The following ADAMTS17 variants were observed in gnomAD, a reference collection of about 807,000 sequenced individuals.
ADAMTS17 encodes the protein ADAM metallopeptidase with thrombospondin type 1 motif 17.
A neutral mutation model predicts 141.5 loss-of-function variants in ADAMTS17; 113 were observed. The observed-to-expected ratio is 0.80, with a 90% CI of 0.69 to 0.93. The LOEUF is 0.93. ADAMTS17 is among the 40% of genes least tolerant of loss of function. ADAMTS17 has a pLI of 0.00. For synonymous variants in ADAMTS17, 768 were observed against 630.6 expected, an observed-to-expected ratio of 1.22 and a Z score of -3.27; for missense variants, 1,659 against 1,517.9, an observed-to-expected ratio of 1.09 and a Z score of -1.54.
intron 20 of ADAMTS17, among the ~76,000 whole-genome samples, chr15:99,992,768 G>C (rs150942512): frequency 1.1e-3 from 162 of 152,346 alleles, no homozygotes; most frequent in African/African-American, 3.8e-3. Flanking sequence ...GGGCACCCGC[G>C]TCCTGCCTTG....
chr15:100,202,135 C>T (rs576575283), intron 7 of ADAMTS17, among the ~76,000 whole-genome samples: 1 of 152,282 alleles, frequency 6.6e-6, no homozygotes, highest in East Asian at 1.9e-4. Context: ...GATGCAGAAC[C>T]GGCAGACCTC....
chr15:100,108,962 C>T (rs199671614), intron 14 of ADAMTS17, 27 bp downstream of exon 14: 109 of 1,612,832 alleles, frequency 6.8e-5, no homozygotes, highest in Non-Finnish European at 8.5e-5. Context: ...CAAAGCCCCA[C>T]CAAGGACCGA....
intron 6 of ADAMTS17, among the ~76,000 whole-genome samples, chr15:100,257,517 G>C (rs1189523706): frequency 2.0e-5 from 3 of 152,246 alleles, no homozygotes; most frequent in Admixed American, 6.5e-5. Flanking sequence ...CCAAAATGCA[G>C]AAGAAAGCTC....
chr15:100,016,314 G>A (rs2061287706), intron 18 of ADAMTS17, among the ~76,000 whole-genome samples: 1 of 151,988 alleles, frequency 6.6e-6, no homozygotes, highest in Non-Finnish European at 1.5e-5. Flanking sequence ...CCTTTCCCTG[G>A]TGCCTCCTTT....
At chr15:100,069,148 G>A (rs2033782805) in intron 15 of ADAMTS17, among the ~76,000 whole-genome samples, 2 of 152,104 alleles carry the variant, frequency 1.3e-5, no homozygotes, top group Non-Finnish European at 2.9e-5. Context: ...TATCAGCAAT[G>A]GAAGATGAAA....
At chr15:100,080,744 C>A (rs2034679289) in intron 15 of ADAMTS17, among the ~76,000 whole-genome samples, 2 of 152,154 alleles carry the variant, frequency 1.3e-5, no homozygotes, top group African/African-American at 4.8e-5. Context: ...AAGTATATTT[C>A]CTTTTCCTTT....
At chr15:100,133,923 C>A (rs1012390812) in intron 10 of ADAMTS17, among the ~76,000 whole-genome samples, 5 of 152,180 alleles carry the variant, frequency 3.3e-5, no homozygotes, top group Non-Finnish European at 5.9e-5. Flanking sequence ...ATTTTACCTA[C>A]AGAACTTCCA....
rs372997246 is a variant in ADAMTS17 at position 100,246,392 on chromosome 15, T to C, written c.1075+7744A>G. Among the ~76,000 whole-genome samples, 105 of 152,334 alleles carry C rather than the reference T, an allele frequency of 6.9e-4. No individual in the cohort carries two copies. In the South Asian group the frequency reaches 0.021, roughly 30 times the overall value. Reference sequence around the variant, plus strand: ...TCTTGATGGCTAGATGTAAGCATACTTGATTCCCAAAATTGAAACCTTTCA... The same window carrying C: ...TCTTGATGGCTAGATGTAAGCATACCTGATTCCCAAAATTGAAACCTTTCA... On this transcript the variant is annotated intron_variant, in intron 7 of 21. Transcript: ENST00000268070.
chr15:100,162,872 C>CTA lies in ADAMTS17; in HGVS notation c.1182-7554_1182-7553dup, dbSNP rs200806459. Among the ~76,000 whole-genome samples, 161 of 138,436 alleles carry CTA rather than the reference C, an allele frequency of 1.2e-3. 2 individuals carry two copies. In the East Asian group the frequency reaches 0.015, roughly 13 times the overall value. The allele number at this position is 138,436 out of a possible 152,430, so 90.8% of individuals were successfully genotyped here. The stretch of plus-strand genomic sequence containing the variant: ...GTTATATATCTGTGTATATATATAA[C>CTA]TATATGTATATATATGTGTATATAG... On this transcript the variant is annotated intron_variant, in intron 8 of 21. Transcript: ENST00000268070.
At chr15:100,073,769 G>C (rs1421743362) in intron 15 of ADAMTS17, among the ~76,000 whole-genome samples, 1 of 7,166 alleles carries the variant, frequency 1.4e-4, no homozygotes, top group Non-Finnish European at 1.3e-3. Flanking sequence ...GTTGTGGGGT[G>C]GGGGGAGGGG....
intron 18 of ADAMTS17, among the ~76,000 whole-genome samples, chr15:100,034,267 G>A (rs912274709): frequency 6.6e-6 from 1 of 152,260 alleles, no homozygotes; most frequent in South Asian, 2.1e-4. Flanking sequence ...CTGCTGGCAA[G>A]AGACCATGGA....
intron 10 of ADAMTS17, among the ~76,000 whole-genome samples, chr15:100,144,749 C>T (rs1486979137): frequency 6.6e-6 from 1 of 151,908 alleles, no homozygotes; most frequent in African/African-American, 2.4e-5. Context: ...GGTGAGCAGT[C>T]CTGCTTTGGT....
intron 3 of ADAMTS17, among the ~76,000 whole-genome samples, chr15:100,329,129 G>A (rs963381469): frequency 6.6e-5 from 10 of 152,114 alleles, no homozygotes; most frequent in Non-Finnish European, 1.5e-4. Context: ...AAGCTTCCCA[G>A]GTGATGCTAA....
At position 100,313,943 on chromosome 15, in the gene ADAMTS17, ACCACCCCAAACG is replaced by A. The variant is rs1327347679; in HGVS notation, c.616+16934_616+16945del. Among the ~76,000 whole-genome samples, 16 of 9,406 alleles carry A rather than the reference ACCACCCCAAACG, an allele frequency of 1.7e-3. 3 individuals are homozygous for A. Among genetic ancestry groups the A allele is most frequent in the African/African-American group, 5.3e-3 (9 of 1,692 alleles). 6.2% of individuals were successfully genotyped at this position (9,406 alleles called of 152,430 possible). On this transcript the variant is annotated intron_variant, in intron 3 of 21. Transcript: ENST00000268070. ...TCACCATGAAGAAACGTCAGACAAA[ACCACCCCAAACG>A]TCACCATGAAGAAACGTCAGACAAA... is the stretch of plus-strand genomic sequence containing the variant.
At chr15:100,056,149 C>G (rs969698716) in intron 15 of ADAMTS17, among the ~76,000 whole-genome samples, 12 of 152,214 alleles carry the variant, frequency 7.9e-5, no homozygotes, top group Non-Finnish European at 1.6e-4. Flanking sequence ...TCCAATGCTT[C>G]TAGTGAGCTA....
chr15:100,193,834 G>A (rs1161950383), intron 8 of ADAMTS17, among the ~76,000 whole-genome samples: 1 of 152,220 alleles, frequency 6.6e-6, no homozygotes, highest in Non-Finnish European at 1.5e-5. Flanking sequence ...CAAGGGTGCA[G>A]GGACGGCAGG....
At chr15:100,110,556 G>A (rs113318389) in intron 13 of ADAMTS17, among the ~76,000 whole-genome samples, 45 of 152,028 alleles carry the variant, frequency 3.0e-4, no homozygotes, top group East Asian at 9.7e-4. Context: ...GAGCCACCGC[G>A]CCCCGCAAGA....
At chr15:100,201,573 G>A (rs1283879292) in intron 7 of ADAMTS17, among the ~76,000 whole-genome samples, 4 of 152,220 alleles carry the variant, frequency 2.6e-5, no homozygotes, top group East Asian at 3.8e-4. Context: ...GCCTGGCTCC[G>A]CAGAGGTGCG....
intron 2 of ADAMTS17, among the ~76,000 whole-genome samples, chr15:100,340,182 G>C (rs2046321245): frequency 6.6e-6 from 1 of 152,242 alleles, no homozygotes; most frequent in Admixed American, 6.5e-5. Context: ...GGGGCACGAT[G>C]GAGAAGCTGA....
Sources: gnomAD v4.1 joint callset for allele counts (sites outside exome capture counted in the v4.1 genomes callset) on GRCh38, gnomAD v4.1.1 for gene constraint, MANE v1.5 for transcripts, NCBI Gene and HGNC (gene_info 2026-07-23, HGNC 2026-07-21) for gene names.